Variants in POU6F2 observed in about 807,000 individuals in gnomAD.
The protein encoded by POU6F2 is POU class 6 homeobox 2.
POU6F2 carries 31 observed loss-of-function variants against 71.3 expected under a neutral mutation model. The observed-to-expected ratio is 0.43, with a 90% CI of 0.33 to 0.59. The LOEUF (loss-of-function observed/expected upper bound fraction) is 0.59, where lower values mean the gene tolerates loss of function less well. Ranked by LOEUF, POU6F2 falls within the 20% of genes least tolerant of loss-of-function variation. The pLI, the probability that POU6F2 is intolerant of heterozygous loss-of-function variation, is 0.04. For synonymous variants in POU6F2, 347 were observed against 355.7 expected (o/e 0.98, Z 0.27); for missense variants, 783 against 856.8 (o/e 0.91, Z 1.07).
At chr7:38,987,486 G>A (rs141965569) in intron 1 of POU6F2, among the ~76,000 whole-genome samples, 6 of 152,204 alleles carry the variant, frequency 3.9e-5, no homozygotes, top group African/African-American at 1.4e-4. Context: ...TAGTGAAAAA[G>A]AGACCAGAAG....
At chr7:39,059,350 A>T (rs1005857162) in intron 1 of POU6F2, among the ~76,000 whole-genome samples, 2 of 152,180 alleles carry the variant, frequency 1.3e-5, no homozygotes, top group African/African-American at 4.8e-5. Flanking sequence ...AAAAGAATCA[A>T]GGGGAAAGGA....
intron 1 of POU6F2, among the ~76,000 whole-genome samples, chr7:39,067,931 TCATA>T (rs1790794733): frequency 6.6e-6 from 1 of 152,172 alleles, no homozygotes; most frequent in East Asian, 1.9e-4. Flanking sequence ...AGAGGCTTTC[TCATA>T]CACTGAGAAC....
At chr7:39,293,042 C>G (rs191572168) in intron 4 of POU6F2, among the ~76,000 whole-genome samples, 1 of 152,192 alleles carries the variant, frequency 6.6e-6, no homozygotes, top group Admixed American at 6.5e-5. Context: ...TAAAAAGAAC[C>G]TAGTGATTGC....
intron 9 of POU6F2, among the ~76,000 whole-genome samples, chr7:39,463,754 AG>A (rs1203428797): frequency 2.0e-5 from 3 of 152,244 alleles, no homozygotes; most frequent in African/African-American, 7.2e-5. Context: ...AAACACGTAA[AG>A]AATCATTTTA....
chr7:38,984,089 A>C (rs959757129), intron 1 of POU6F2, among the ~76,000 whole-genome samples: 2 of 152,110 alleles, frequency 1.3e-5, no homozygotes, highest in Non-Finnish European at 2.9e-5. Flanking sequence ...AAAATTGAAG[A>C]TCAACTGAGT....
intron 5 of POU6F2, among the ~76,000 whole-genome samples, chr7:39,397,807 A>G (rs1787205920): frequency 1.1e-5 from 1 of 93,192 alleles, no homozygotes; most frequent in South Asian, 3.2e-4. Context: ...TATTTTATAT[A>G]TTTTGTGTAT....
At chr7:39,434,111 A>C (rs79565691) in intron 7 of POU6F2, among the ~76,000 whole-genome samples, 5,022 of 152,248 alleles carry the variant, frequency 0.033, 230 homozygotes, top group African/African-American at 0.1. Context: ...GTTTTTAGTC[A>C]TCCCAGAGAT....
chr7:39,411,534 G>C (rs375730556), intron 6 of POU6F2, among the ~76,000 whole-genome samples: 32 of 152,114 alleles, frequency 2.1e-4, no homozygotes, highest in Middle Eastern at 6.8e-3. Context: ...GCCAGTCAAG[G>C]GGGGGGAAGT....
At chr7:39,132,402 C>A (rs887944553) in intron 2 of POU6F2, 3 of 152,138 alleles carry the variant, frequency 2.0e-5, no homozygotes, top group Non-Finnish European at 2.9e-5. Context: ...CAAGGCTAAT[C>A]AGAGAGGCAA....
At chr7:39,376,887 ATATT>A (rs1403265640) in intron 5 of POU6F2, among the ~76,000 whole-genome samples, 8 of 149,720 alleles carry the variant, frequency 5.3e-5, no homozygotes, top group Non-Finnish European at 1.2e-4. Flanking sequence ...GTGTAGTTTA[ATATT>A]TATTCAGTAT....
At chr7:39,408,652 A>C (rs1018100735) in intron 6 of POU6F2, among the ~76,000 whole-genome samples, 2 of 152,242 alleles carry the variant, frequency 1.3e-5, no homozygotes, top group Non-Finnish European at 2.9e-5. Flanking sequence ...AAGTGGAAAA[A>C]AAATTACATT....
intron 1 of POU6F2, among the ~76,000 whole-genome samples, chr7:38,979,192 A>G (rs1392742866): frequency 1.3e-5 from 1 of 78,584 alleles, no homozygotes; most frequent in East Asian, 3.8e-4. Context: ...GAATATTTAT[A>G]AACTCCTAAA....
intron 4 of POU6F2, among the ~76,000 whole-genome samples, chr7:39,234,405 C>A (rs1378207790): frequency 1.3e-5 from 2 of 152,136 alleles, no homozygotes; most frequent in South Asian, 2.1e-4. Context: ...TTGTGCAGTG[C>A]TGAGGCCCTG....
At chr7:39,076,363 C>T (rs988582575) in intron 1 of POU6F2, among the ~76,000 whole-genome samples, 6 of 152,114 alleles carry the variant, frequency 3.9e-5, no homozygotes, top group African/African-American at 1.4e-4. Flanking sequence ...TGTCTGCCTG[C>T]CAGGGACTCA....
At chr7:39,207,320 AAAG>A (rs1584601871) in intron 3 of POU6F2, 69 bp from the exon 4 acceptor site, 1 of 1,426,074 alleles carries the variant, frequency 7.0e-7, no homozygotes, top group East Asian at 2.3e-5. Context: ...ACTTAAGTGG[AAAG>A]AAGATGTTTT....
intron 2 of POU6F2, among the ~76,000 whole-genome samples, chr7:39,100,592 AT>A (rs1201469244): frequency 1.7e-4 from 26 of 152,216 alleles, no homozygotes; most frequent in African/African-American, 6.3e-4. Flanking sequence ...ATATATTGTG[AT>A]ATTGAAAAAT....
At chr7:39,073,211 T>C (rs1790921536) in intron 1 of POU6F2, among the ~76,000 whole-genome samples, 1 of 152,130 alleles carries the variant, frequency 6.6e-6, no homozygotes, top group African/African-American at 2.4e-5. Context: ...TAAGTAAATA[T>C]TAATAAAGGC....
intron 3 of POU6F2, among the ~76,000 whole-genome samples, chr7:39,204,744 G>T (rs1307747256): frequency 6.6e-6 from 1 of 152,086 alleles, no homozygotes; most frequent in Non-Finnish European, 1.5e-5. Flanking sequence ...CAATTTTAAT[G>T]CAAGTTCAGC....
At chr7:39,022,534 T>G (rs922963107) in intron 1 of POU6F2, among the ~76,000 whole-genome samples, 1 of 152,082 alleles carries the variant, frequency 6.6e-6, no homozygotes, top group Non-Finnish European at 1.5e-5. Flanking sequence ...CCCTAGTGCC[T>G]CAGAGGCAAT....
Sources: allele counts gnomAD v4.1 joint callset (sites outside exome capture counted in the v4.1 genomes callset), GRCh38; gene constraint gnomAD v4.1.1; transcripts MANE v1.5; gene names NCBI Gene and HGNC (gene_info 2026-07-23, HGNC 2026-07-21).